SMYD4: variants seen among roughly 807,000 people sequenced by gnomAD.
The protein encoded by SMYD4 is protein-lysine N-methyltransferase SMYD4.
SMYD4 carries 68 observed loss-of-function variants against 72.8 expected under a neutral mutation model. That is an observed-to-expected ratio of 0.93 (90% CI 0.77 to 1.14). The LOEUF (loss-of-function observed/expected upper bound fraction) is 1.14, where lower values mean the gene tolerates loss of function less well. Ranked by LOEUF, SMYD4 falls within the 50% of genes most tolerant of loss-of-function variation. SMYD4 has a pLI of 0.00. For missense variants in SMYD4, 984 were observed against 1,003.7 expected (o/e 0.98, Z 0.27); for synonymous variants, 407 against 388.6 (o/e 1.05, Z -0.56).
chr17:1,781,992 G>A (rs549941090), intron 10 of SMYD4: 2 of 152,604 alleles, frequency 1.3e-5, no homozygotes, highest in Admixed American at 1.3e-4. Context: ...ACTCAGCACA[G>A]CCTTAGGTTG....
At chr17:1,809,770 C>A (rs926543583) in intron 3 of SMYD4, among the ~76,000 whole-genome samples, 19 of 146,168 alleles carry the variant, frequency 1.3e-4, no homozygotes, top group Middle Eastern at 4.2e-3. Flanking sequence ...CCCGGGTTCA[C>A]GCCATTCTCC....
At chr17:1,790,568 A>G (rs1009479643) in intron 5 of SMYD4, among the ~76,000 whole-genome samples, 1 of 151,950 alleles carries the variant, frequency 6.6e-6, no homozygotes, top group Non-Finnish European at 1.5e-5. Context: ...CTAGGCTGGA[A>G]TGCAGTGGCA....
chr17:1,795,765 T>TTTTTTTTTA (rs59609537), intron 5 of SMYD4, among the ~76,000 whole-genome samples: 1 of 150,358 alleles, frequency 6.7e-6, no homozygotes, highest in Admixed American at 6.6e-5. Context: ...TTTTTTTTTT[T>TTTTTTTTTA]AAGTATTTTC....
intron 4 of SMYD4, among the ~76,000 whole-genome samples, chr17:1,802,316 ACC>A (rs915862892): frequency 3.3e-5 from 5 of 151,946 alleles, no homozygotes; most frequent in South Asian, 4.1e-4. Flanking sequence ...CACAGATGAG[ACC>A]CTGGGCTCTA....
intron 5 of SMYD4, among the ~76,000 whole-genome samples, chr17:1,790,293 A>C (rs1353458058): frequency 2.0e-5 from 3 of 152,216 alleles, no homozygotes; most frequent in Non-Finnish European, 4.4e-5. Flanking sequence ...GTGGGTATTT[A>C]TGTCAGAGTT....
chr17:1,825,185 G>T (rs142828049), intron 2 of SMYD4, among the ~76,000 whole-genome samples: 20 of 152,266 alleles, frequency 1.3e-4, no homozygotes, highest in African/African-American at 4.6e-4. Context: ...GCAAGCACTG[G>T]GGAAAGGATG....
intron 5 of SMYD4, among the ~76,000 whole-genome samples, chr17:1,795,554 T>C (rs1369873595): frequency 1.3e-5 from 2 of 152,168 alleles, no homozygotes; most frequent in African/African-American, 4.8e-5. Context: ...GCAATTCTCA[T>C]GCCTTAGCCT....
At chr17:1,824,083 C>T (rs1367538943) in intron 2 of SMYD4, among the ~76,000 whole-genome samples, 1 of 152,196 alleles carries the variant, frequency 6.6e-6, no homozygotes, top group Non-Finnish European at 1.5e-5. Context: ...TGGCTCACGC[C>T]TGTAATTCCA....
chr17:1,809,530 A>G (rs1240223297), intron 3 of SMYD4, among the ~76,000 whole-genome samples: 39 of 136,770 alleles, frequency 2.9e-4, no homozygotes, highest in East Asian at 1.8e-3. Context: ...GCCCGCCACC[A>G]CGCCCAGCTA....
At chr17:1,798,171 C>T (rs887567664) in intron 5 of SMYD4, among the ~76,000 whole-genome samples, 1 of 151,034 alleles carries the variant, frequency 6.6e-6, no homozygotes, top group Non-Finnish European at 1.5e-5. Context: ...CAGGGTTTCA[C>T]CCAGGCTGGA....
intron 1 of SMYD4, among the ~76,000 whole-genome samples, chr17:1,828,325 T>C (rs1911313764): frequency 1.4e-5 from 2 of 146,500 alleles, no homozygotes; most frequent in South Asian, 2.2e-4. Flanking sequence ...CACTCCAGCC[T>C]GGGTGACAGA....
rs1322337448 is a variant in SMYD4 at position 1,799,993 on chromosome 17, A to G, written c.1401T>C (p.Ile467=). ...CTGCTTTAAGCTGAGAGGAGTTCAC[A>G]ATCCTCTCAGTTGGGATGGCCTGTA... is the stretch of plus-strand genomic sequence containing the variant. ...ASLQAIPTER[I]VNSSQLKAAV... is the part of the protein sequence containing the mutation. The change falls in exon 5 of 11, where the codon ATT becomes ATC. Residue 467 remains isoleucine, a synonymous_variant. Transcript: ENST00000305513. The G allele has an allele frequency of 6.2e-7, 1 of 1,614,146 alleles. No homozygotes were observed. Among genetic ancestry groups the G allele is most frequent in the Non-Finnish European group, 8.5e-7 (1 of 1,180,016 alleles).
chr17:1,786,703 G>A, intron 7 of SMYD4, 107 bp downstream of exon 7: 2 of 1,345,142 alleles, frequency 1.5e-6, no homozygotes, highest in Non-Finnish European at 2.1e-6. Context: ...TGATATTACT[G>A]GTCTCAGCAC....
At chr17:1,820,913 ATCT>A (rs1910852619) in intron 2 of SMYD4, among the ~76,000 whole-genome samples, 1 of 152,206 alleles carries the variant, frequency 6.6e-6, no homozygotes, top group Admixed American at 6.5e-5. Flanking sequence ...AGAAGTTTAA[ATCT>A]TTTTTGGTTA....
chr17:1,803,866 A>G (rs891356293), intron 4 of SMYD4, among the ~76,000 whole-genome samples: 1 of 147,732 alleles, frequency 6.8e-6, no homozygotes, highest in Non-Finnish European at 1.5e-5. Flanking sequence ...ATGACTCAGG[A>G]GAAAGGGCGA....
chr17:1,811,747 C>T (rs530865508), intron 3 of SMYD4, among the ~76,000 whole-genome samples: 9 of 151,894 alleles, frequency 5.9e-5, no homozygotes, highest in Admixed American at 3.3e-4. Context: ...GCCAACATGG[C>T]GAAAACCCAT....
In SMYD4 at chr17:1,786,985, T is replaced by C. The variant is rs1405710847; in HGVS notation, c.1721-12A>G. On this transcript the variant is annotated splice_polypyrimidine_tract_variant and intron_variant, in intron 6 of 10. Coordinates refer to ENST00000305513, the MANE Select transcript of SMYD4 (RefSeq NM_052928.3). ...GCTCTTGTGAGGCCCTGGAGGGAGATCACCGTCAGCCAATATTGAAAGCAA... is the reference window on the plus strand; with the variant it reads ...GCTCTTGTGAGGCCCTGGAGGGAGACCACCGTCAGCCAATATTGAAAGCAA... 1.2e-6 allele frequency: 2 copies of C among 1,605,970 alleles called. No homozygotes were observed. The highest frequency in any genetic ancestry group is 2.2e-5 in the East Asian group (1 of 44,464).
At chr17:1,820,632 AAAAC>A (rs982308568) in intron 2 of SMYD4, among the ~76,000 whole-genome samples, 1 of 152,202 alleles carries the variant, frequency 6.6e-6, no homozygotes, top group African/African-American at 2.4e-5. Context: ...GCACAAAATA[AAAAC>A]AAACAATAAG....
chr17:1,826,555 A>G (rs893460914), intron 2 of SMYD4, among the ~76,000 whole-genome samples: 1 of 151,994 alleles, frequency 6.6e-6, no homozygotes, highest in Non-Finnish European at 1.5e-5. Context: ...TAACAAAAAA[A>G]GTATAACCCT....
Sources: allele counts gnomAD v4.1 joint callset (sites outside exome capture counted in the v4.1 genomes callset), GRCh38; gene constraint gnomAD v4.1.1; transcripts MANE v1.5; gene names NCBI Gene and HGNC (gene_info 2026-07-23, HGNC 2026-07-21).